Variants in SNX18 observed in about 807,000 individuals in gnomAD.
SNX18 encodes the protein sorting nexin-18.
A neutral mutation model predicts 48.7 loss-of-function variants in SNX18; 35 were observed. The ratio of observed to expected loss-of-function variants is 0.72; its 90% confidence interval spans 0.55 to 0.95. The LOEUF (loss-of-function observed/expected upper bound fraction) is 0.95, where lower values mean the gene tolerates loss of function less well. Ranked by LOEUF, SNX18 falls within the 40% of genes least tolerant of loss-of-function variation. The pLI is 0.00. For missense variants in SNX18, 824 were observed against 871.0 expected (o/e 0.95, Z 0.68); for synonymous variants, 492 against 384.7 (o/e 1.28, Z -3.26).
the SNX18 span, among the ~76,000 whole-genome samples, chr5:54,586,321 C>T: frequency 6.6e-6 from 1 of 152,190 alleles, no homozygotes; most frequent in Non-Finnish European, 1.5e-5. Flanking sequence ...CAACTATTTA[C>T]ATCTGCAGCC....
At chr5:54,550,737 A>C (rs991174630), downstream of SNX18, among the ~76,000 whole-genome samples, 10 of 151,994 alleles carry the variant, frequency 6.6e-5, no homozygotes, top group African/African-American at 2.2e-4. Context: ...GGTGCCCGCC[A>C]CCATGCCTGG....
At chr5:54,621,508 G>A in the SNX18 span, among the ~76,000 whole-genome samples, 1 of 152,134 alleles carries the variant, frequency 6.6e-6, no homozygotes, top group Non-Finnish European at 1.5e-5. Flanking sequence ...CCTTCCCCTA[G>A]CAGATAGGTC....
At chr5:54,539,862 GTTTGT>G (rs1394732711) in intron 1 of SNX18, among the ~76,000 whole-genome samples, 6 of 151,890 alleles carry the variant, frequency 4.0e-5, no homozygotes, top group African/African-American at 1.5e-4. Context: ...CTTGTTTTTT[GTTTGT>G]TTTGTTTTGT....
At chr5:54,595,192 A>G in the SNX18 span, among the ~76,000 whole-genome samples, 19 of 152,162 alleles carry the variant, frequency 1.2e-4, no homozygotes, top group African/African-American at 4.6e-4. Context: ...TATACCCAGT[A>G]ATGGGATTGC....
At chr5:54,530,744 A>ATTTTTTTTTTTTTTTTTTTT (rs70986692) in intron 1 of SNX18, among the ~76,000 whole-genome samples, 2 of 72,518 alleles carry the variant, frequency 2.8e-5, no homozygotes, top group African/African-American at 6.0e-5. Flanking sequence ...AACCACAGAA[A>ATTTTTTTTTTTTTTTTTTTT]TTTTTTTTTT....
chr5:54,572,748 G>A, the SNX18 span, among the ~76,000 whole-genome samples: 86 of 41,760 alleles, frequency 2.1e-3, 1 homozygote, highest in African/African-American at 7.1e-3. Flanking sequence ...GTGTGTGTGT[G>A]TGTGTGTATA....
intron 1 of SNX18, among the ~76,000 whole-genome samples, chr5:54,534,583 T>TC (rs952396223): frequency 6.6e-6 from 1 of 151,916 alleles, no homozygotes; most frequent in African/African-American, 2.4e-5. Context: ...TCTTTTTTTT[T>TC]CCCCCTGTCT....
downstream of SNX18, among the ~76,000 whole-genome samples, chr5:54,547,076 G>T (rs1350707743): frequency 6.6e-6 from 1 of 152,188 alleles, no homozygotes; most frequent in Non-Finnish European, 1.5e-5. Context: ...TTACAGATTT[G>T]TTTTACATAT....
chr5:54,543,154 A>T (rs1477231810), intron 1 of SNX18, 25 bp from the exon 2 acceptor site: 1 of 1,598,854 alleles, frequency 6.3e-7, no homozygotes, highest in South Asian at 1.1e-5. Flanking sequence ...ATAGGTTTTT[A>T]ATTAATTGTT....
chr5:54,518,390 C>T lies in SNX18; in HGVS notation c.438C>T (p.Ala146=). 6 of 1,578,974 alleles carry T rather than the reference C, an allele frequency of 3.8e-6. No individual in the cohort carries two copies. The South Asian group carries it at 5.8e-5, about 15-fold the overall frequency. ...SPQQLYGGYQ[A]SQGSDDDWDD... is the part of the protein sequence containing the mutation. Reference sequence around the variant, plus strand: ...AGCAGCTCTACGGCGGCTACCAGGCCAGCCAAGGCAGCGATGATGACTGGG... The same window carrying T: ...AGCAGCTCTACGGCGGCTACCAGGCTAGCCAAGGCAGCGATGATGACTGGG... Residue 146 remains alanine (A), a synonymous_variant, in exon 1 of 2, where the codon GCC becomes GCT. Coordinates refer to ENST00000381410, the MANE Select transcript of SNX18 (RefSeq NM_001102575.2).
At chr5:54,566,371 A>G in the SNX18 span, among the ~76,000 whole-genome samples, 13 of 152,200 alleles carry the variant, frequency 8.5e-5, no homozygotes, top group Non-Finnish European at 4.4e-5. Context: ...TGTTGTGTGG[A>G]GTAAATGAGA....
At chr5:54,539,172 C>T (rs1203826719) in intron 1 of SNX18, among the ~76,000 whole-genome samples, 7 of 152,066 alleles carry the variant, frequency 4.6e-5, no homozygotes, top group East Asian at 1.9e-4. Flanking sequence ...TACAGGTGTG[C>T]GTCACCACAC....
the SNX18 span, among the ~76,000 whole-genome samples, chr5:54,592,616 C>G: frequency 6.6e-6 from 1 of 152,184 alleles, no homozygotes; most frequent in African/African-American, 2.4e-5. Flanking sequence ...GACACTGTCT[C>G]CCACAATTGG....
the SNX18 span, among the ~76,000 whole-genome samples, chr5:54,624,272 C>T: frequency 6.6e-6 from 1 of 152,148 alleles, no homozygotes; most frequent in African/African-American, 2.4e-5. Flanking sequence ...GTTGAATTCT[C>T]CTGGTATTCA....
At chr5:54,641,007 C>A in the SNX18 span, among the ~76,000 whole-genome samples, 10 of 152,160 alleles carry the variant, frequency 6.6e-5, no homozygotes, top group African/African-American at 1.9e-4. Context: ...TTGAAGTGAG[C>A]CGAGATTGTG....
At chr5:54,647,508 T>C in the SNX18 span, among the ~76,000 whole-genome samples, 2 of 152,298 alleles carry the variant, frequency 1.3e-5, no homozygotes, top group South Asian at 2.1e-4. Context: ...CAAAGAGATA[T>C]TACATAGCCT....
intron 1 of SNX18, among the ~76,000 whole-genome samples, chr5:54,528,037 G>C (rs1762168784): frequency 6.6e-6 from 1 of 151,834 alleles, no homozygotes; most frequent in South Asian, 2.1e-4. Context: ...GGGAGGGGAA[G>C]TTTGAAAATG....
At chr5:54,535,181 T>G (rs1201229082) in intron 1 of SNX18, among the ~76,000 whole-genome samples, 2 of 152,218 alleles carry the variant, frequency 1.3e-5, no homozygotes, top group East Asian at 3.9e-4. Flanking sequence ...ACATAGTTAT[T>G]TCTTGCTTTG....
chr5:54,518,150 G>A lies in SNX18; in HGVS notation c.198G>A (p.Pro66=). 1 of 1,394,498 alleles carries A rather than the reference G, an allele frequency of 7.2e-7. No homozygotes were observed. The highest frequency in any genetic ancestry group is 9.3e-7 in the Non-Finnish European group (1 of 1,081,036). The allele number at this position is 1,394,498 out of a possible 1,614,324, so 86.4% of individuals were successfully genotyped here. A position where few individuals can be genotyped will look rare whatever the true frequency, so the allele number is the denominator to read the frequency against. Residue 66 remains proline (P), a synonymous_variant, in exon 1 of 2, where the codon CCG becomes CCA. Transcript: ENST00000381410. The part of the protein sequence containing the change: ...VQVIRAPEPG[P]AGDGGPGAPA... The stretch of plus-strand genomic sequence containing the variant: ...TGATCCGCGCCCCCGAGCCTGGCCC[G>A]GCGGGAGACGGCGGCCCGGGCGCCC...
Sources: gnomAD v4.1 joint callset for allele counts (sites outside exome capture counted in the v4.1 genomes callset) on GRCh38, gnomAD v4.1.1 for gene constraint, MANE v1.5 for transcripts, NCBI Gene and HGNC (gene_info 2026-07-23, HGNC 2026-07-21) for gene names.